Variants in RTF2 observed in about 807,000 individuals in gnomAD.
RTF2 encodes the protein UPF0549 protein C20orf43.
Under a neutral mutation model 38.0 loss-of-function variants are expected in RTF2, and 18 were observed. That is an observed-to-expected ratio of 0.47 (90% CI 0.33 to 0.70). The LOEUF is 0.70. RTF2 is among the 30% of genes least tolerant of loss of function. The probability of loss-of-function intolerance (pLI) is 0.02; values close to 1 mark genes in which losing one functional copy is unlikely to be tolerated. For missense variants in RTF2, 311 were observed against 379.6 expected (o/e 0.82, Z 1.50); for synonymous variants, 126 against 137.1 (o/e 0.92, Z 0.57).
In RTF2 at chr20:56,518,504, A is replaced by G. The variant is rs1985200879; in HGVS notation, c.*239A>G. The G allele has an allele frequency of 5.0e-6, 2 of 400,282 alleles. No homozygotes were observed. The highest frequency in any genetic ancestry group is 7.5e-5 in the South Asian group (1 of 13,304). 24.8% of individuals were successfully genotyped at this position (400,282 alleles called of 1,614,324 possible). A position where few individuals can be genotyped will look rare whatever the true frequency, so the allele number is the denominator to read the frequency against. ...CATGCTTGCTTCCACCTGCAGGTGC[A>G]TTTGGTCCTTTCCATGGCCAGGAAG... On this transcript the variant is annotated 3_prime_UTR_variant, in exon 9 of 9. Coordinates refer to ENST00000357348, the MANE Select transcript of RTF2 (RefSeq NM_016407.5).
intron 5 of RTF2, among the ~76,000 whole-genome samples, chr20:56,502,197 G>A (rs1333718941): frequency 2.0e-5 from 3 of 152,126 alleles, no homozygotes; most frequent in Admixed American, 1.3e-4. Context: ...CTTTTTTCCC[G>A]TTTATGTAGT....
chr20:56,491,760 CG>C, intron 5 of RTF2: 1 of 1,551,850 alleles, frequency 6.4e-7, no homozygotes, highest in Non-Finnish European at 8.7e-7. Flanking sequence ...GGTCCGTATA[CG>C]CAGATGTCTT....
intron 6 of RTF2, chr20:56,516,120 T>C (rs1034709642): frequency 6.6e-6 from 1 of 152,252 alleles, no homozygotes; most frequent in African/African-American, 2.4e-5. Flanking sequence ...TCACACTGCA[T>C]GTATATGTTA....
At chr20:56,478,246 T>C (rs1325623204) in intron 4 of RTF2, among the ~76,000 whole-genome samples, 1 of 152,206 alleles carries the variant, frequency 6.6e-6, no homozygotes, top group Non-Finnish European at 1.5e-5. Context: ...CCCAGCACTT[T>C]GGGAGGCCGA....
At chr20:56,485,773 T>C (rs1438867960) in intron 5 of RTF2, among the ~76,000 whole-genome samples, 1 of 152,222 alleles carries the variant, frequency 6.6e-6, no homozygotes, top group East Asian at 1.9e-4. Flanking sequence ...GATGATGGCA[T>C]AGATTCCAAG....
chr20:56,495,284 A>G, intron 5 of RTF2: 1 of 1,551,318 alleles, frequency 6.4e-7, no homozygotes, highest in Non-Finnish European at 8.7e-7. Context: ...CGTTTGGTGT[A>G]GCACCTGGAG....
chr20:56,474,535 A>C (rs967846562), intron 2 of RTF2, 143 bp from the exon 3 acceptor site: 5 of 525,976 alleles, frequency 9.5e-6, no homozygotes, highest in Admixed American at 3.4e-5. Context: ...TAGTTGAAAC[A>C]GGGTTAAATT....
intron 3 of RTF2, among the ~76,000 whole-genome samples, chr20:56,475,129 A>G (rs1340902720): frequency 2.0e-5 from 3 of 152,258 alleles, no homozygotes; most frequent in Non-Finnish European, 4.4e-5. Context: ...CTGTTAAATC[A>G]CGTGGCTACC....
chr20:56,508,834 T>C lies in RTF2; in HGVS notation c.478-4481T>C, dbSNP rs143991345. On this transcript the variant is annotated intron_variant, in intron 5 of 8. Transcript: ENST00000357348. ...GGATATCCACATGCAGAAGAATGAA[T>C]TTGGACCCTTACCTTACATTGAATG... Among the ~76,000 whole-genome samples the C allele has an allele frequency of 5.9e-5, 9 of 152,256 alleles. No individual in the cohort carries two copies. In the East Asian group the frequency reaches 1.7e-3, roughly 29 times the overall value.
rs560731243 is a variant in RTF2 at position 56,497,650 on chromosome 20, A to AT, written c.477+13467dup. On this transcript the variant is annotated intron_variant, in intron 5 of 8. Coordinates refer to ENST00000357348, the MANE Select transcript of RTF2 (RefSeq NM_016407.5). ...GCATTCTTATTACCATAATTTAAGT[A>AT]TTTTTTCCTTTAAGCTTCCTAAAAG... is the stretch of plus-strand genomic sequence containing the variant. The AT allele has an allele frequency of 5.6e-4, 680 of 1,221,238 alleles. 1 individual carries two copies. Among genetic ancestry groups the AT allele is most frequent in the Non-Finnish European group, 6.3e-4 (602 of 959,068 alleles). 75.7% of individuals were successfully genotyped at this position (1,221,238 alleles called of 1,614,324 possible).
chr20:56,502,897 G>GTTGGGCAAGTGACGGAACAGAC (rs1421822048), intron 5 of RTF2, among the ~76,000 whole-genome samples: 1 of 152,236 alleles, frequency 6.6e-6, no homozygotes, highest in Non-Finnish European at 1.5e-5. Context: ...TTACGAGTCT[G>GTTGGGCAAGTGACGGAACAGAC]TTGGGCAAGT....
At chr20:56,515,870 A>G (rs946883089) in intron 6 of RTF2, 2 of 152,208 alleles carry the variant, frequency 1.3e-5, no homozygotes, top group African/African-American at 4.8e-5. Flanking sequence ...CCTCATAGCT[A>G]CTGCTACCAG....
intron 5 of RTF2, among the ~76,000 whole-genome samples, chr20:56,500,203 C>T (rs148503848): frequency 4.0e-5 from 6 of 151,696 alleles, no homozygotes; most frequent in African/African-American, 1.5e-4. Flanking sequence ...TACAGGCATG[C>T]ACCACCACAC....
chr20:56,513,247 G>A, intron 5 of RTF2, 68 bp from the exon 6 acceptor site: 1 of 1,540,274 alleles, frequency 6.5e-7, no homozygotes. Flanking sequence ...GCTGAGAGTG[G>A]GGGACTGAAG....
chr20:56,504,278 T>C (rs936773374), intron 5 of RTF2: 1 of 152,196 alleles, frequency 6.6e-6, no homozygotes, highest in Non-Finnish European at 1.5e-5. Context: ...GAGTATTTCC[T>C]TGGGACCAGA....
chr20:56,482,263 G>C (rs547872245), intron 4 of RTF2, among the ~76,000 whole-genome samples: 1 of 152,280 alleles, frequency 6.6e-6, no homozygotes, highest in African/African-American at 2.4e-5. Flanking sequence ...ATATAAAATG[G>C]TACAGTATTT....
At chr20:56,517,613 G>C (rs757876265) in intron 8 of RTF2, among the ~76,000 whole-genome samples, 7 of 152,166 alleles carry the variant, frequency 4.6e-5, no homozygotes, top group Non-Finnish European at 8.8e-5. Context: ...CCTCTCTGCT[G>C]CCTCTTGACC....
chr20:56,513,354 A>C lies in RTF2; in HGVS notation c.517A>C (p.Asn173His). The change falls in exon 6 of 9, where the codon AAT becomes CAT. Residue 173 changes from asparagine to histidine, a missense_variant. Coordinates refer to ENST00000357348, the MANE Select transcript of RTF2 (RefSeq NM_016407.5). Reference protein sequence around the residue: ...AFQEDDVIMLNGTKEDVDVLK... With the variant: ...AFQEDDVIMLHGTKEDVDVLK... ...CCAGGAGGATGATGTCATCATGCTC[A>C]ATGGCACCAAGGAGGATGTGGACGT... The C allele has an allele frequency of 6.2e-7, 1 of 1,608,672 alleles. No homozygotes were observed. The highest frequency in any genetic ancestry group is 1.7e-4 in the Middle Eastern group (1 of 6,054).
intron 4 of RTF2, among the ~76,000 whole-genome samples, chr20:56,479,683 C>G (rs1245754032): frequency 6.6e-6 from 1 of 152,158 alleles, no homozygotes; most frequent in East Asian, 1.9e-4. Flanking sequence ...AGTCAAAGTT[C>G]CACCTTGATC....
Sources: gnomAD v4.1 joint callset for allele counts (sites outside exome capture counted in the v4.1 genomes callset) on GRCh38, gnomAD v4.1.1 for gene constraint, MANE v1.5 for transcripts, NCBI Gene and HGNC (gene_info 2026-07-23, HGNC 2026-07-21) for gene names.